The following MID1 variants were observed in gnomAD, a reference collection of about 807,000 sequenced individuals.
MID1 encodes midline 1, also known as E3 ubiquitin-protein ligase Midline-1.
In MID1, 7 loss-of-function variants were observed where a neutral mutation model predicts 40.4. The observed-to-expected ratio is 0.17, with a 90% CI of 0.10 to 0.33. The LOEUF (loss-of-function observed/expected upper bound fraction) is 0.33, where lower values mean the gene tolerates loss of function less well. Among genes scored for constraint, MID1 ranks in the 10% least tolerant of loss-of-function variants. MID1 has a pLI of 1.00. For missense variants in MID1, 367 were observed against 558.5 expected (o/e 0.66, Z 3.46); for synonymous variants, 229 against 221.2 (o/e 1.04, Z -0.31).
chrX:10,615,572 T>C (rs1935825539), intron 1 of MID1, among the ~76,000 whole-genome samples: 1 of 111,776 alleles, frequency 8.9e-6, no homozygotes, highest in African/African-American at 3.3e-5. Context: ...TGGTTTGTTT[T>C]TTCAGGAAAG....
chrX:10,739,884 T>A (rs939094803), intron 1 of MID1, among the ~76,000 whole-genome samples: 2 of 112,327 alleles, frequency 1.8e-5, no homozygotes, highest in South Asian at 7.4e-4. Context: ...AGCCACAACA[T>A]TTTAGAACTC....
intron 2 of MID1, 101 bp downstream of exon 2, chrX:10,566,787 G>A: frequency 3.3e-6 from 3 of 913,407 alleles, no homozygotes; most frequent in Admixed American, 2.3e-5. Flanking sequence ...CAAAGGTGAG[G>A]AGAAAACCTT....
intron 1 of MID1, among the ~76,000 whole-genome samples, chrX:10,809,085 AAAAC>A (rs1213668016): frequency 8.9e-6 from 1 of 112,176 alleles, no homozygotes; most frequent in African/African-American, 3.2e-5. Context: ...TTACAAGAAA[AAAAC>A]AAACAACCCC....
chrX:10,709,384 T>A (rs1199418997), intron 1 of MID1, among the ~76,000 whole-genome samples: 2 of 112,332 alleles, frequency 1.8e-5, no homozygotes, highest in East Asian at 5.6e-4. Context: ...GTTAGAAATA[T>A]CATGTGTGCA....
At chrX:10,746,991 G>A (rs760063177) in intron 1 of MID1, among the ~76,000 whole-genome samples, 1 of 111,193 alleles carries the variant, frequency 9.0e-6, no homozygotes, top group South Asian at 3.8e-4. Flanking sequence ...AATAGCGTGA[G>A]TTGCTATGGA....
rs148183353 is a variant in MID1, at chrX:10,611,416, G to A, written c.-57+8874C>T. On this transcript the variant is annotated intron_variant, in intron 1 of 9. Coordinates refer to ENST00000317552, the MANE Select transcript of MID1 (RefSeq NM_000381.4). ...TAAATGGGAAAAATATGCTAAGCCC[G>A]TTTCTGCTGGATGAAGAAGTAAAGC... is the stretch of plus-strand genomic sequence containing the variant. Among the ~76,000 whole-genome samples the A allele has an allele frequency of 7.7e-3, 867 of 112,149 alleles. 11 individuals are homozygous for A. The highest frequency in any genetic ancestry group is 0.027 in the African/African-American group (824 of 30,897).
chrX:10,630,694 G>C (rs1160425088), intron 1 of MID1, among the ~76,000 whole-genome samples: 1 of 111,126 alleles, frequency 9.0e-6, no homozygotes, highest in Non-Finnish European at 1.9e-5. Flanking sequence ...ATATTATAGA[G>C]CTCAGTCTGA....
intron 1 of MID1, among the ~76,000 whole-genome samples, chrX:10,796,378 T>G (rs2043967069): frequency 9.1e-6 from 1 of 110,068 alleles, no homozygotes; most frequent in African/African-American, 3.3e-5. Flanking sequence ...TGGCATAATT[T>G]TTTTAAGGGC....
intron 1 of MID1, among the ~76,000 whole-genome samples, chrX:10,585,856 C>T (rs1935129772): frequency 9.0e-6 from 1 of 111,652 alleles, no homozygotes. Flanking sequence ...TTAAGAGAAC[C>T]ACATCCTATT....
intron 1 of MID1, among the ~76,000 whole-genome samples, chrX:10,668,409 C>T (rs994214660): frequency 8.1e-5 from 9 of 111,772 alleles, no homozygotes; most frequent in African/African-American, 1.9e-4. Flanking sequence ...GCTTAAATGC[C>T]TATTATGTTC....
intron 1 of MID1, among the ~76,000 whole-genome samples, chrX:10,762,730 TG>T (rs1480622606): frequency 1.8e-5 from 2 of 111,681 alleles, no homozygotes; most frequent in African/African-American, 6.5e-5. Flanking sequence ...CCACTGTGCC[TG>T]GCCTCTAAAC....
At chrX:10,753,313 A>G (rs999368493) in intron 1 of MID1, among the ~76,000 whole-genome samples, 5 of 111,109 alleles carry the variant, frequency 4.5e-5, no homozygotes, top group African/African-American at 1.6e-4. Flanking sequence ...GGCCAACCAT[A>G]TTATTCCATC....
chrX:10,574,888 C>T (rs914772296), intron 1 of MID1, among the ~76,000 whole-genome samples: 1 of 112,092 alleles, frequency 8.9e-6, no homozygotes, highest in African/African-American at 3.2e-5. Flanking sequence ...CCAGATGATT[C>T]CCAAGGCACT....
intron 1 of MID1, among the ~76,000 whole-genome samples, chrX:10,750,652 A>AAAAAT (rs1400076268): frequency 4.5e-5 from 5 of 110,236 alleles, no homozygotes; most frequent in East Asian, 2.8e-4. Flanking sequence ...AATAAAAAAT[A>AAAAAT]AAAATAAAAT....
At chrX:10,824,979 A>ACT (rs2044205039) in intron 1 of MID1, among the ~76,000 whole-genome samples, 1 of 111,140 alleles carries the variant, frequency 9.0e-6, no homozygotes, top group Admixed American at 9.6e-5. Flanking sequence ...GTTGCCTCCC[A>ACT]CTCTCTCCCA....
chrX:10,546,524 T>C (rs777808199), intron 2 of MID1, among the ~76,000 whole-genome samples: 2 of 111,986 alleles, frequency 1.8e-5, no homozygotes, highest in East Asian at 5.6e-4. Flanking sequence ...ACTTTTTTTT[T>C]ATGCCTGTTG....
upstream of MID1, among the ~76,000 whole-genome samples, chrX:10,623,252 A>G (rs1472024738): frequency 5.7e-5 from 6 of 105,946 alleles, no homozygotes; most frequent in African/African-American, 1.8e-4. Context: ...CCCGAAAAAA[A>G]AGAAAAAAAA....
intron 2 of MID1, among the ~76,000 whole-genome samples, chrX:10,544,119 C>T (rs1023020568): frequency 8.9e-6 from 1 of 112,165 alleles, no homozygotes; most frequent in Non-Finnish European, 1.9e-5. Context: ...AGCCTGTTCT[C>T]CCCACACACC....
chrX:10,725,719 C>T (rs1311006343), intron 1 of MID1, among the ~76,000 whole-genome samples: 3 of 111,290 alleles, frequency 2.7e-5, no homozygotes, highest in African/African-American at 6.5e-5. Context: ...ATTTGTTGGG[C>T]GTGGTGGGGT....
Sources: gnomAD v4.1 joint callset for allele counts (sites outside exome capture counted in the v4.1 genomes callset) on GRCh38, gnomAD v4.1.1 for gene constraint, MANE v1.5 for transcripts, NCBI Gene and HGNC (gene_info 2026-07-23, HGNC 2026-07-21) for gene names.